Variants in ADAM22 observed in about 807,000 individuals in gnomAD.
The protein encoded by ADAM22 is ADAM metallopeptidase domain 22.
ADAM22 carries 65 observed loss-of-function variants against 144.6 expected under a neutral mutation model. The observed-to-expected ratio is 0.45, with a 90% CI of 0.37 to 0.55. The LOEUF (loss-of-function observed/expected upper bound fraction) is 0.55. Among genes scored for constraint, ADAM22 ranks in the 20% least tolerant of loss-of-function variants. The pLI, the probability that ADAM22 is intolerant of heterozygous loss-of-function variation, is 0.00. For missense variants in ADAM22, 974 were observed against 1,184.9 expected, an observed-to-expected ratio of 0.82 and a Z score of 2.61; for synonymous variants, 391 against 412.6, an observed-to-expected ratio of 0.95 and a Z score of 0.63.
intron 2 of ADAM22, among the ~76,000 whole-genome samples, chr7:87,940,003 A>G (rs1024472043): frequency 1.1e-4 from 16 of 151,486 alleles, no homozygotes; most frequent in Non-Finnish European, 1.8e-4. Flanking sequence ...GACCAGCCTG[A>G]CCAATATGGT....
intron 2 of ADAM22, among the ~76,000 whole-genome samples, chr7:87,973,985 C>T (rs1851217310): frequency 6.6e-6 from 1 of 151,462 alleles, no homozygotes; most frequent in African/African-American, 2.4e-5. Flanking sequence ...ATACCTAATG[C>T]TAAATGACGA....
chr7:88,139,316 G>C (rs1833925810), intron 14 of ADAM22, among the ~76,000 whole-genome samples: 1 of 152,016 alleles, frequency 6.6e-6, no homozygotes, highest in African/African-American at 2.4e-5. Context: ...TACTAAGGAG[G>C]CTGAGGCAGG....
rs1847790797 is a variant in ADAM22 at position 87,960,413 on chromosome 7, TAGA to T, written c.247-17922_247-17920del. On this transcript the variant is annotated intron_variant, in intron 2 of 31. Transcript: ENST00000413139. ...GTGTGTGTGTCTGTGTGTGTGTGTG[TAGA>T]GTATTCTGCATCTCATCTCCATAAG... Among the ~76,000 whole-genome samples the T allele has an allele frequency of 2.0e-5, 3 of 151,834 alleles. No individual in the cohort carries two copies. In the South Asian group the frequency reaches 6.2e-4, roughly 32 times the overall value.
At chr7:88,043,386 G>A (rs1803663564) in intron 3 of ADAM22, among the ~76,000 whole-genome samples, 1 of 151,710 alleles carries the variant, frequency 6.6e-6, no homozygotes, top group Non-Finnish European at 1.5e-5. Flanking sequence ...TCGGGAGGCT[G>A]AGGCAGGAGA....
chr7:88,114,090 A>G (rs1333823918), intron 5 of ADAM22, among the ~76,000 whole-genome samples: 1 of 152,068 alleles, frequency 6.6e-6, no homozygotes, highest in African/African-American at 2.4e-5. Flanking sequence ...GCTTGTGGCA[A>G]GTTGTTCAAA....
At chr7:87,953,200 T>C (rs1240635579) in intron 2 of ADAM22, among the ~76,000 whole-genome samples, 2 of 152,018 alleles carry the variant, frequency 1.3e-5, no homozygotes, top group African/African-American at 2.4e-5. Flanking sequence ...AATGTGTTTG[T>C]TCTTGCTTTT....
At position 87,985,261 on chromosome 7, in the gene ADAM22, C is replaced by A. The variant is rs182843607; in HGVS notation, c.323+6849C>A. ...CCAGGAGGCAGAGCTTGCAGTGAGCCGAGATCGCACCACTGCACTTCATCC... is the reference window on the plus strand; with the variant it reads ...CCAGGAGGCAGAGCTTGCAGTGAGCAGAGATCGCACCACTGCACTTCATCC... On this transcript the variant is annotated intron_variant, in intron 3 of 31. Transcript: ENST00000413139. Among the ~76,000 whole-genome samples the A allele has an allele frequency of 2.0e-3, 302 of 149,922 alleles. 1 individual carries two copies. Among genetic ancestry groups the A allele is most frequent in the African/African-American group, 6.9e-3 (281 of 40,682 alleles).
At chr7:87,954,927 C>T (rs1285085693) in intron 2 of ADAM22, among the ~76,000 whole-genome samples, 10 of 152,240 alleles carry the variant, frequency 6.6e-5, no homozygotes, top group African/African-American at 1.9e-4. Context: ...TTGATCGCAT[C>T]GGCTCCTGAG....
chr7:88,109,821 C>T (rs1185216081), intron 5 of ADAM22, among the ~76,000 whole-genome samples: 2 of 151,662 alleles, frequency 1.3e-5, no homozygotes, highest in Non-Finnish European at 2.9e-5. Context: ...AAACATGCCA[C>T]CTGAAGACAG....
chr7:88,072,871 G>A (rs551075363), intron 3 of ADAM22, among the ~76,000 whole-genome samples: 1 of 152,234 alleles, frequency 6.6e-6, no homozygotes, highest in East Asian at 1.9e-4. Flanking sequence ...CTCCTGTTTT[G>A]GGTAAACAGG....
At chr7:88,161,983 C>T (rs1335115974) in intron 22 of ADAM22, among the ~76,000 whole-genome samples, 1 of 151,912 alleles carries the variant, frequency 6.6e-6, no homozygotes, top group East Asian at 1.9e-4. Flanking sequence ...ATAAATCATT[C>T]TACCATAAAG....
intron 3 of ADAM22, among the ~76,000 whole-genome samples, chr7:88,057,620 A>C (rs1423613703): frequency 6.6e-6 from 1 of 152,252 alleles, no homozygotes; most frequent in Non-Finnish European, 1.5e-5. Context: ...TTATTGTAGC[A>C]TTCTGGTATT....
chr7:88,157,076 T>A (rs951546047), intron 22 of ADAM22, among the ~76,000 whole-genome samples: 2 of 152,064 alleles, frequency 1.3e-5, no homozygotes, highest in Non-Finnish European at 2.9e-5. Context: ...GTTGAAATTA[T>A]CTTCCAGAAA....
At chr7:87,978,548 T>G in intron 3 of ADAM22, 136 bp downstream of exon 3, 1 of 631,582 alleles carries the variant, frequency 1.6e-6, no homozygotes, top group Non-Finnish European at 2.7e-6. Flanking sequence ...ACTATACTTA[T>G]TTACTGTAGG....
chr7:87,955,348 T>A lies in ADAM22; in HGVS notation c.246+20162T>A, dbSNP rs763650499. Among the ~76,000 whole-genome samples, 4 of 151,870 alleles carry A rather than the reference T, an allele frequency of 2.6e-5. 1 individual carries two copies. The East Asian group carries it at 7.7e-4, about 29-fold the overall frequency. ...TCTTTCTGTTTGTTAGTTTTCCTTC[T>A]AACAGACAGGACCCTCAGCTGCAGG... On this transcript the variant is annotated intron_variant, in intron 2 of 31. Coordinates refer to ENST00000413139, the MANE Select transcript of ADAM22 (RefSeq NM_001324418.2).
intron 2 of ADAM22, among the ~76,000 whole-genome samples, chr7:87,943,824 C>T (rs903996837): frequency 5.3e-5 from 8 of 152,244 alleles, no homozygotes; most frequent in Admixed American, 1.3e-4. Flanking sequence ...CATGTATCAG[C>T]GAGGTTAAAT....
At chr7:88,055,714 T>G (rs768870417) in intron 3 of ADAM22, among the ~76,000 whole-genome samples, 1 of 152,202 alleles carries the variant, frequency 6.6e-6, no homozygotes, top group Non-Finnish European at 1.5e-5. Context: ...GTTATGCCAG[T>G]GCCAGTTTCC....
At chr7:88,171,202 TAA>T (rs1844231692) in intron 25 of ADAM22, among the ~76,000 whole-genome samples, 1 of 151,984 alleles carries the variant, frequency 6.6e-6, no homozygotes. Context: ...TTAATTTCAT[TAA>T]GTCAATGTAT....
At chr7:88,171,467 A>C in intron 25 of ADAM22, 77 bp from the exon 26 acceptor site, 1 of 1,314,890 alleles carries the variant, frequency 7.6e-7, no homozygotes, top group Non-Finnish European at 1.1e-6. Flanking sequence ...TTTTATGTTT[A>C]GAGCTCCCTC....
Sources: gnomAD v4.1 joint callset for allele counts (sites outside exome capture counted in the v4.1 genomes callset) on GRCh38, gnomAD v4.1.1 for gene constraint, MANE v1.5 for transcripts, NCBI Gene and HGNC (gene_info 2026-07-23, HGNC 2026-07-21) for gene names.